Variants in MRC1 observed in about 807,000 individuals in gnomAD.
MRC1 encodes the protein macrophage mannose receptor 1.
A neutral mutation model predicts 102.9 loss-of-function variants in MRC1; 62 were observed. The observed-to-expected ratio is 0.60, with a 90% CI of 0.49 to 0.74. The LOEUF is 0.74. Ranked by LOEUF, MRC1 falls within the 30% of genes least tolerant of loss-of-function variation. MRC1 has a pLI of 0.00. For synonymous variants in MRC1, 457 were observed against 298.4 expected, an observed-to-expected ratio of 1.53 and a Z score of -5.48; for missense variants, 1,237 against 862.8, an observed-to-expected ratio of 1.43 and a Z score of -5.43.
At chr10:17,819,625 G>GA (rs1418031808) in intron 1 of MRC1, among the ~76,000 whole-genome samples, 1 of 152,070 alleles carries the variant, frequency 6.6e-6, no homozygotes, top group Non-Finnish European at 1.5e-5. Flanking sequence ...ACTCAGGAGA[G>GA]AGTTGATATT....
At chr10:17,858,401 C>T (rs999261786) in intron 9 of MRC1, among the ~76,000 whole-genome samples, 2 of 152,084 alleles carry the variant, frequency 1.3e-5, no homozygotes, top group Non-Finnish European at 2.9e-5. Flanking sequence ...TGGGTGAATG[C>T]CGAGTACCTA....
intron 26 of MRC1, among the ~76,000 whole-genome samples, 177 bp from the exon 27 acceptor site, chr10:17,906,702 TAAAAACG>T (rs1833900556): frequency 6.6e-6 from 1 of 152,186 alleles, no homozygotes; most frequent in South Asian, 2.1e-4. Context: ...TAATGATGCT[TAAAAACG>T]TATTTCAGAA....
chr10:17,809,443 A>C lies in MRC1; in HGVS notation c.-23A>C. 1.1e-6 allele frequency: 1 copy of C among 872,534 alleles called. No individual in the cohort carries two copies. 54.0% of individuals were successfully genotyped at this position (872,534 alleles called of 1,614,324 possible). On this transcript the variant is annotated 5_prime_UTR_variant, in exon 1 of 30. Coordinates refer to ENST00000569591, the MANE Select transcript of MRC1 (RefSeq NM_002438.4). ...GTTCCGCCCTCCTGTCCATCAGGAG[A>C]AGGAAAGGATAAACCCTGGGCCATG...
At chr10:17,909,389 A>C (rs1338199494) in intron 29 of MRC1, 42 bp downstream of exon 29, 5 of 838,776 alleles carry the variant, frequency 6.0e-6, no homozygotes, top group Non-Finnish European at 1.1e-5. Context: ...TTAGTAATAC[A>C]TCCGTACTGT....
rs994962637 is a variant in MRC1, at chr10:17,891,238, C to T, written c.3148-2972C>T. Among the ~76,000 whole-genome samples the T allele has an allele frequency of 2.7e-3, 410 of 151,646 alleles. 2 individuals are homozygous for T. The South Asian group carries it at 0.028, about 10-fold the overall frequency. ...CTGGAGTGCAGTGGCGCGATCTCGG[C>T]TCACTACAAGCACCGCCTCCCGGGT... On this transcript the variant is annotated intron_variant, in intron 22 of 29. Coordinates refer to ENST00000569591, the MANE Select transcript of MRC1 (RefSeq NM_002438.4).
In MRC1 at chr10:17,849,778, C is replaced by T; in HGVS notation, c.1249+14C>T. 1 of 778,902 alleles carries T rather than the reference C, an allele frequency of 1.3e-6. No homozygotes were observed. The highest frequency in any genetic ancestry group is 2.4e-6 in the Non-Finnish European group (1 of 416,694). 48.2% of individuals were successfully genotyped at this position (778,902 alleles called of 1,614,324 possible). ...AGCTAGGATATGGTGAGAAACTTGA[C>T]AGTGATAATATACTTGGCTTTAATC... On this transcript the variant is annotated intron_variant, in intron 7 of 29. Transcript: ENST00000569591.
chr10:17,875,362 C>A, intron 17 of MRC1, 109 bp downstream of exon 17: 1 of 739,138 alleles, frequency 1.4e-6, no homozygotes, highest in South Asian at 1.5e-5. Context: ...TTGGTACACC[C>A]GTCACCTGAG....
chr10:17,849,195 A>C (rs1366412811), intron 6 of MRC1, among the ~76,000 whole-genome samples: 4 of 151,702 alleles, frequency 2.6e-5, no homozygotes, highest in African/African-American at 9.7e-5. Context: ...GCAGCTACTT[A>C]GGAGGCTGAG....
At chr10:17,874,991 A>G in intron 16 of MRC1, 99 bp from the exon 17 acceptor site, 1 of 768,868 alleles carries the variant, frequency 1.3e-6, no homozygotes, top group Non-Finnish European at 2.4e-6. Context: ...ATGCCTCTTG[A>G]TATAGCAGCT....
intron 1 of MRC1, among the ~76,000 whole-genome samples, chr10:17,818,990 G>A (rs1466632673): frequency 1.3e-5 from 2 of 152,176 alleles, no homozygotes; most frequent in Non-Finnish European, 2.9e-5. Context: ...TGATATAGGG[G>A]CTGGATGTAT....
intron 26 of MRC1, among the ~76,000 whole-genome samples, chr10:17,904,063 C>T (rs1235610007): frequency 6.6e-6 from 1 of 152,218 alleles, no homozygotes; most frequent in East Asian, 1.9e-4. Context: ...TTCCTCTGTG[C>T]TGTTATTGGC....
chr10:17,897,030 A>T (rs978689416), intron 23 of MRC1, among the ~76,000 whole-genome samples: 1 of 152,242 alleles, frequency 6.6e-6, no homozygotes, highest in African/African-American at 2.4e-5. Flanking sequence ...TAGGCAATAC[A>T]CAAACAAATG....
At chr10:17,902,164 A>G in intron 26 of MRC1, 42 bp downstream of exon 26, 1 of 758,434 alleles carries the variant, frequency 1.3e-6, no homozygotes, top group Non-Finnish European at 2.4e-6. Flanking sequence ...ATAATCATCT[A>G]TTCTGGGGTC....
intron 1 of MRC1, among the ~76,000 whole-genome samples, chr10:17,814,677 CTTTTTTTT>C (rs1179816829): frequency 5.6e-4 from 48 of 85,176 alleles, no homozygotes; most frequent in African/African-American, 1.7e-3. Context: ...TTCCGTCCCT[CTTTTTTTT>C]TTTTTTTTTT....
chr10:17,854,624 T>C, intron 8 of MRC1: 1 of 157,048 alleles, frequency 6.4e-6, no homozygotes, highest in Non-Finnish European at 1.4e-5. Context: ...CGTGTCAGAT[T>C]GCACTGGGCT....
At chr10:17,860,817 G>T (rs949192339) in intron 9 of MRC1, among the ~76,000 whole-genome samples, 1 of 152,054 alleles carries the variant, frequency 6.6e-6, no homozygotes, top group Non-Finnish European at 1.5e-5. Context: ...AATAGTTTTC[G>T]TTGCAAGATA....
intron 7 of MRC1, among the ~76,000 whole-genome samples, chr10:17,851,150 T>C (rs1394528199): frequency 6.6e-6 from 1 of 152,204 alleles, no homozygotes; most frequent in Non-Finnish European, 1.5e-5. Flanking sequence ...AACTCTACTT[T>C]GTATAACATA....
chr10:17,876,037 T>C (rs1263892860), intron 17 of MRC1, among the ~76,000 whole-genome samples: 1 of 152,158 alleles, frequency 6.6e-6, no homozygotes, highest in Non-Finnish European at 1.5e-5. Context: ...CATTTTTTCA[T>C]AGAACATCAT....
intron 6 of MRC1, among the ~76,000 whole-genome samples, chr10:17,847,894 T>G (rs1270580437): frequency 2.0e-5 from 3 of 151,030 alleles, no homozygotes; most frequent in African/African-American, 7.3e-5. Context: ...GCTCCAAAGC[T>G]GTACTAAGCT....
Sources: allele counts gnomAD v4.1 joint callset (sites outside exome capture counted in the v4.1 genomes callset), GRCh38; gene constraint gnomAD v4.1.1; transcripts MANE v1.5; gene names NCBI Gene and HGNC (gene_info 2026-07-23, HGNC 2026-07-21).